ATXN10: variants seen among roughly 807,000 people sequenced by gnomAD.
ATXN10 encodes ataxin 10.
A neutral mutation model predicts 52.9 loss-of-function variants in ATXN10; 28 were observed. The observed-to-expected ratio is 0.53, with a 90% confidence interval of 0.39 to 0.73. The LOEUF (loss-of-function observed/expected upper bound fraction) is 0.73, where lower values mean the gene tolerates loss of function less well. ATXN10 is among the 30% of genes least tolerant of loss of function. ATXN10 has a pLI of 0.00. For synonymous variants in ATXN10, 226 were observed against 221.5 expected (o/e 1.02, Z -0.18); for missense variants, 565 against 577.0 (o/e 0.98, Z 0.21).
intron 9 of ATXN10, among the ~76,000 whole-genome samples, chr22:45,788,273 G>A (rs902763113): frequency 2.0e-5 from 3 of 151,972 alleles, no homozygotes; most frequent in East Asian, 1.9e-4. Context: ...AGTGCCTCCC[G>A]CGAAATATGC....
At chr22:45,802,951 G>A (rs940679238) in intron 9 of ATXN10, among the ~76,000 whole-genome samples, 2 of 152,194 alleles carry the variant, frequency 1.3e-5, no homozygotes, top group East Asian at 1.9e-4. Flanking sequence ...GAGAAGAAGT[G>A]TAAATTCAGC....
intron 9 of ATXN10, among the ~76,000 whole-genome samples, chr22:45,798,442 C>T (rs940170112): frequency 2.6e-5 from 4 of 152,058 alleles, no homozygotes; most frequent in Non-Finnish European, 5.9e-5. Context: ...ATGATTATCT[C>T]AATAGAGGAA....
chr22:45,703,472 A>G (rs1214447632), intron 5 of ATXN10, among the ~76,000 whole-genome samples: 1 of 151,942 alleles, frequency 6.6e-6, no homozygotes, highest in Non-Finnish European at 1.5e-5. Context: ...TTTCGCTGTT[A>G]TTTGTTTGAA....
At position 45,774,064 on chromosome 22, in the gene ATXN10, G is replaced by C. The variant is rs1926867894; in HGVS notation, c.1174-32895G>C. Among the ~76,000 whole-genome samples the C allele has an allele frequency of 6.6e-6, 1 of 152,218 alleles. No individual in the cohort carries two copies. Among genetic ancestry groups the C allele is most frequent in the Non-Finnish European group, 1.5e-5 (1 of 68,040 alleles). ...AGCCCCTCTTCAGGTCTTGCAGACA[G>C]AAAGAACCATTTGATGCCATGTGCT... is the stretch of plus-strand genomic sequence containing the variant. On this transcript the variant is annotated intron_variant, in intron 9 of 11. Coordinates refer to ENST00000252934, the MANE Select transcript of ATXN10 (RefSeq NM_013236.4). The surrounding 1 kb of genome is among the most constrained non-coding windows in gnomAD (Gnocchi z 6.2).
At chr22:45,745,727 T>C (rs1336816413) in intron 9 of ATXN10, among the ~76,000 whole-genome samples, 3 of 152,220 alleles carry the variant, frequency 2.0e-5, no homozygotes, top group African/African-American at 4.8e-5. Flanking sequence ...ACCTGGCACA[T>C]AGTAGGCATT....
chr22:45,738,923 T>A, intron 8 of ATXN10, 84 bp downstream of exon 8: 1 of 1,207,648 alleles, frequency 8.3e-7, no homozygotes, highest in Non-Finnish European at 1.2e-6. Flanking sequence ...TACAAATCCT[T>A]AATTTTCAGT....
chr22:45,679,631 C>G (rs911598137), intron 1 of ATXN10: 1 of 152,242 alleles, frequency 6.6e-6, no homozygotes, highest in Non-Finnish European at 1.5e-5. Context: ...CCACACGAGT[C>G]GTCAGCTTGG....
rs1418377974 is a variant in ATXN10, at chr22:45,728,385, C to T, written c.729-1040C>T. On this transcript the variant is annotated intron_variant, in intron 6 of 11. Coordinates refer to ENST00000252934, the MANE Select transcript of ATXN10 (RefSeq NM_013236.4). This position sits in a 1 kb window ranked among gnomAD's most constrained non-coding sequence, Gnocchi z 4.3. Reference sequence around the variant, plus strand: ...TTAATTATTGTCACAAGAAATCTGACGTTTTAGGAGTTTTGAGAATTGCTA... The same window carrying T: ...TTAATTATTGTCACAAGAAATCTGATGTTTTAGGAGTTTTGAGAATTGCTA... Among the ~76,000 whole-genome samples, 2 of 152,056 alleles carry T rather than the reference C, an allele frequency of 1.3e-5. No individual in the cohort carries two copies. The highest frequency in any genetic ancestry group is 2.9e-5 in the Non-Finnish European group (2 of 68,012).
At position 45,744,448 on chromosome 22, in the gene ATXN10, A is replaced by G. The variant is rs1483392173; in HGVS notation, c.1173+3910A>G. 1 of 152,084 alleles carries G rather than the reference A, an allele frequency of 6.6e-6. No individual in the cohort carries two copies. The highest frequency in any genetic ancestry group is 1.5e-5 in the Non-Finnish European group (1 of 68,026). 9.4% of individuals were successfully genotyped at this position (152,084 alleles called of 1,614,324 possible). On this transcript the variant is annotated intron_variant, in intron 9 of 11. Coordinates refer to ENST00000252934, the MANE Select transcript of ATXN10 (RefSeq NM_013236.4). This position sits in a 1 kb window ranked among gnomAD's most constrained non-coding sequence, Gnocchi z 4.9. Reference sequence around the variant, plus strand: ...CTTTAGTTTGTTGGAGCCTTATGATACCTCTGTGGAAAGGGCTGAAAAGAT... The same window carrying G: ...CTTTAGTTTGTTGGAGCCTTATGATGCCTCTGTGGAAAGGGCTGAAAAGAT...
intron 10 of ATXN10, among the ~76,000 whole-genome samples, chr22:45,839,441 C>T (rs1929272713): frequency 1.3e-5 from 2 of 152,208 alleles, no homozygotes; most frequent in African/African-American, 4.8e-5. Context: ...TGAGCAGGAC[C>T]CATCACCCCA....
rs1927693168 is a variant in ATXN10, at chr22:45,795,415, A to ATTCTATGCTT, written c.1174-11538_1174-11537insGCTTTTCTAT. Among the ~76,000 whole-genome samples, 1 of 134,076 alleles carries ATTCTATGCTT rather than the reference A, an allele frequency of 7.5e-6. No individual in the cohort carries two copies. Among genetic ancestry groups the ATTCTATGCTT allele is most frequent in the African/African-American group, 2.8e-5 (1 of 35,282 alleles). The allele number at this position is 134,076 out of a possible 152,430, so 88.0% of individuals were successfully genotyped here. ...ATTCTATTCTATTCTATTCTATTCT[A>ATTCTATGCTT]TTCTATTCTTTTTGAGATGAAGTCT... On this transcript the variant is annotated intron_variant, in intron 9 of 11. Transcript: ENST00000252934. The surrounding 1 kb of genome is among the most constrained non-coding windows in gnomAD (Gnocchi z 4.6).
At chr22:45,704,327 T>C (rs997338131) in intron 5 of ATXN10, among the ~76,000 whole-genome samples, 1 of 151,528 alleles carries the variant, frequency 6.6e-6, no homozygotes, top group African/African-American at 2.4e-5. Context: ...AAAAAACAGC[T>C]GGAATTTTGA....
rs923768526 is a variant in ATXN10, at chr22:45,790,867, C to G, written c.1174-16092C>G. On this transcript the variant is annotated intron_variant, in intron 9 of 11. Coordinates refer to ENST00000252934, the MANE Select transcript of ATXN10 (RefSeq NM_013236.4). The surrounding 1 kb of genome is among the most constrained non-coding windows in gnomAD (Gnocchi z 4.7). ...TATTTTTATTGTTTATTTTTCAAGACAGAGCCTCTCTCTCCCTCTCTCTGT... is the reference window on the plus strand; with the variant it reads ...TATTTTTATTGTTTATTTTTCAAGAGAGAGCCTCTCTCTCCCTCTCTCTGT... Among the ~76,000 whole-genome samples, 6 of 152,144 alleles carry G rather than the reference C, an allele frequency of 3.9e-5. No homozygotes were observed. Among genetic ancestry groups the G allele is most frequent in the African/African-American group, 1.4e-4 (6 of 41,422 alleles).
rs1232934286 is a variant in ATXN10, at chr22:45,672,046, C to T, written c.-18C>T. On this transcript the variant is annotated 5_prime_UTR_variant, in exon 1 of 12. Transcript: ENST00000252934. The stretch of plus-strand genomic sequence containing the variant: ...CTTCCTCCTCCTCGTCAGGCTCGAC[C>T]CAGCTGTGAGCGGCAAGATGGCGGC... 5 of 1,534,798 alleles carry T rather than the reference C, an allele frequency of 3.3e-6. No individual in the cohort carries two copies. Among genetic ancestry groups the T allele is most frequent in the Non-Finnish European group, 3.5e-6 (4 of 1,144,542 alleles).
In ATXN10 at chr22:45,766,624, C is replaced by T. The variant is rs941347249; in HGVS notation, c.1173+26086C>T. Among the ~76,000 whole-genome samples, 2 of 152,100 alleles carry T rather than the reference C, an allele frequency of 1.3e-5. No homozygotes were observed. Among genetic ancestry groups the T allele is most frequent in the South Asian group, 2.1e-4 (1 of 4,812 alleles). ...ATTAGGAGAAAACATGAATGAGTTC[C>T]GTTATATAACCTCCGAGTCTGGAAG... On this transcript the variant is annotated intron_variant, in intron 9 of 11. Coordinates refer to ENST00000252934, the MANE Select transcript of ATXN10 (RefSeq NM_013236.4). This position sits in a 1 kb window ranked among gnomAD's most constrained non-coding sequence, Gnocchi z 4.6.
chr22:45,782,335 G>A (rs935386821), intron 9 of ATXN10, among the ~76,000 whole-genome samples: 7 of 152,134 alleles, frequency 4.6e-5, no homozygotes, highest in East Asian at 1.9e-4. Flanking sequence ...ATGAGTGCTC[G>A]TGTCCACCAA....
At chr22:45,711,225 G>A (rs138154) in intron 5 of ATXN10, among the ~76,000 whole-genome samples, 120,882 of 151,926 alleles carry the variant, frequency 0.8, 48,336 homozygotes, top group African/African-American at 0.87. Context: ...AACTTGGGAA[G>A]ATCTCATGGT....
At position 45,780,548 on chromosome 22, in the gene ATXN10, C is replaced by G. The variant is rs982046791; in HGVS notation, c.1174-26411C>G. On this transcript the variant is annotated intron_variant, in intron 9 of 11. Coordinates refer to ENST00000252934, the MANE Select transcript of ATXN10 (RefSeq NM_013236.4). The surrounding 1 kb of genome is among the most constrained non-coding windows in gnomAD (Gnocchi z 4.0). Reference sequence around the variant, plus strand: ...TGAACCTGTGCCAGCCTGTTTCCCCCTCTGTAGAATGGGATAACAGGAAGT... The same window carrying G: ...TGAACCTGTGCCAGCCTGTTTCCCCGTCTGTAGAATGGGATAACAGGAAGT... Among the ~76,000 whole-genome samples the G allele has an allele frequency of 6.6e-6, 1 of 152,198 alleles. No homozygotes were observed. The highest frequency in any genetic ancestry group is 2.4e-5 in the African/African-American group (1 of 41,446).
rs1927708294 is a variant in ATXN10 at position 45,795,636 on chromosome 22, G to C, written c.1174-11323G>C. Among the ~76,000 whole-genome samples, 3 of 152,226 alleles carry C rather than the reference G, an allele frequency of 2.0e-5. No individual in the cohort carries two copies. Among genetic ancestry groups the C allele is most frequent in the Admixed American group, 6.5e-5 (1 of 15,290 alleles). ...GTCAGGGACCCTGAACGGAGGGACT[G>C]GCTGAAGCCATGGCAGAAGAACATA... On this transcript the variant is annotated intron_variant, in intron 9 of 11. Transcript: ENST00000252934. The surrounding 1 kb of genome is among the most constrained non-coding windows in gnomAD (Gnocchi z 4.6).
Sources: allele counts gnomAD v4.1 joint callset (sites outside exome capture counted in the v4.1 genomes callset), GRCh38; gene constraint gnomAD v4.1.1; non-coding constraint Gnocchi (gnomAD v3.1); transcripts MANE v1.5; gene names NCBI Gene and HGNC (gene_info 2026-07-23, HGNC 2026-07-21).